The following ZC3H12B variants were observed in gnomAD, a reference collection of about 807,000 sequenced individuals.
ZC3H12B encodes zinc finger CCCH-type containing 12B.
In ZC3H12B, 7 loss-of-function variants were observed where a neutral mutation model predicts 43.9. That is an observed-to-expected ratio of 0.16 (90% CI 0.09 to 0.30). The LOEUF (loss-of-function observed/expected upper bound fraction) is 0.30. ZC3H12B is among the 10% of genes least tolerant of loss of function. The pLI is 1.00. For missense variants in ZC3H12B, 475 were observed against 670.2 expected, an observed-to-expected ratio of 0.71 and a Z score of 3.22; for synonymous variants, 222 against 241.7, an observed-to-expected ratio of 0.92 and a Z score of 0.76.
the ZC3H12B span, among the ~76,000 whole-genome samples, chrX:65,068,712 G>A: frequency 9.0e-6 from 1 of 111,487 alleles, no homozygotes; most frequent in South Asian, 3.7e-4. Flanking sequence ...AATATTACCA[G>A]CAAATTTTGT....
At chrX:65,066,530 C>T in the ZC3H12B span, among the ~76,000 whole-genome samples, 1 of 111,418 alleles carries the variant, frequency 9.0e-6, no homozygotes, top group East Asian at 2.9e-4. Context: ...CCCAGAGGTG[C>T]ACCCACCAGG....
At chrX:65,360,510 C>G in the ZC3H12B span, among the ~76,000 whole-genome samples, 1 of 112,203 alleles carries the variant, frequency 8.9e-6, no homozygotes, top group African/African-American at 3.2e-5. Flanking sequence ...GATACTACCA[C>G]TTACCTATTA....
At chrX:65,426,649 A>G in intron 3 of ZC3H12B, among the ~76,000 whole-genome samples, 1 of 111,586 alleles carries the variant, frequency 9.0e-6, no homozygotes. Context: ...GCTGCATCCC[A>G]GAGATTCTGG....
chrX:65,212,499 A>G, the ZC3H12B span, among the ~76,000 whole-genome samples: 1 of 69,888 alleles, frequency 1.4e-5, no homozygotes, highest in Non-Finnish European at 2.4e-5. Context: ...TATATAATAT[A>G]CATATTATAT....
chrX:65,240,564 G>C, the ZC3H12B span, among the ~76,000 whole-genome samples: 1 of 111,719 alleles, frequency 9.0e-6, no homozygotes, highest in African/African-American at 3.3e-5. Flanking sequence ...TCCTACTTCT[G>C]TTAATTCAGC....
intron 2 of ZC3H12B, among the ~76,000 whole-genome samples, chrX:65,383,224 A>G (rs1371548189): frequency 1.8e-5 from 2 of 112,244 alleles, no homozygotes; most frequent in South Asian, 3.7e-4. Flanking sequence ...TACAGTAACC[A>G]AAACAGCATG....
intron 2 of ZC3H12B, among the ~76,000 whole-genome samples, chrX:65,389,624 C>T (rs1200104813): frequency 8.9e-6 from 1 of 112,588 alleles, no homozygotes; most frequent in African/African-American, 3.2e-5. Context: ...ATGCTTGGTG[C>T]ACTGCACCCA....
At chrX:65,067,380 C>T in the ZC3H12B span, among the ~76,000 whole-genome samples, 5 of 111,568 alleles carry the variant, frequency 4.5e-5, no homozygotes, top group Non-Finnish European at 9.4e-5. Flanking sequence ...GCACAGCTTC[C>T]GTTTCCTAGG....
chrX:65,280,621 A>G, the ZC3H12B span, among the ~76,000 whole-genome samples: 6 of 112,233 alleles, frequency 5.3e-5, no homozygotes, highest in East Asian at 1.7e-3. Context: ...ACATGGTCAC[A>G]TATACAGAAA....
intron 2 of ZC3H12B, among the ~76,000 whole-genome samples, chrX:65,386,762 C>T (rs1017346195): frequency 1.5e-4 from 17 of 110,827 alleles, no homozygotes; most frequent in African/African-American, 3.3e-4. Flanking sequence ...GGATCTTTCC[C>T]GCTTTCTCTT....
chrX:65,340,230 C>T, the ZC3H12B span, among the ~76,000 whole-genome samples: 1 of 112,299 alleles, frequency 8.9e-6, no homozygotes, highest in Non-Finnish European at 1.9e-5. Flanking sequence ...CCAGAACAAC[C>T]ACTTACACAG....
At chrX:65,342,823 G>T in the ZC3H12B span, among the ~76,000 whole-genome samples, 1 of 99,381 alleles carries the variant, frequency 1.0e-5, no homozygotes, top group East Asian at 2.9e-4. Context: ...GAGCTGAATT[G>T]CAGGAGACTG....
chrX:65,388,104 T>G (rs137987558), intron 2 of ZC3H12B, among the ~76,000 whole-genome samples: 1,639 of 111,718 alleles, frequency 0.015, 40 homozygotes, highest in African/African-American at 0.051. Flanking sequence ...TTGGTGAATC[T>G]GACAATTATG....
chrX:65,291,774 G>T, the ZC3H12B span, among the ~76,000 whole-genome samples: 1 of 111,921 alleles, frequency 8.9e-6, no homozygotes, highest in African/African-American at 3.2e-5. Context: ...TTGTTAAAGG[G>T]TAGATTTCAA....
chrX:65,089,218 A>G, the ZC3H12B span, among the ~76,000 whole-genome samples: 3 of 111,429 alleles, frequency 2.7e-5, no homozygotes, highest in African/African-American at 6.5e-5. Flanking sequence ...TGTGAGCATC[A>G]TAGAATGTAC....
the ZC3H12B span, among the ~76,000 whole-genome samples, chrX:65,241,457 G>T: frequency 1.4e-5 from 1 of 69,818 alleles, no homozygotes; most frequent in African/African-American, 5.5e-5. Context: ...TTCCCCTCCT[G>T]GGGGCTTCAT....
At chrX:65,242,411 T>A in the ZC3H12B span, among the ~76,000 whole-genome samples, 1 of 111,449 alleles carries the variant, frequency 9.0e-6, no homozygotes, top group Non-Finnish European at 1.9e-5. Context: ...TAAAATAAAG[T>A]ACCTAGAAAT....
At chrX:65,335,605 T>A in the ZC3H12B span, among the ~76,000 whole-genome samples, 1 of 111,441 alleles carries the variant, frequency 9.0e-6, no homozygotes, top group East Asian at 2.9e-4. Flanking sequence ...GTAAAGGTCA[T>A]ACAGATATCA....
chrX:65,385,625 G>C (rs1382924919), intron 2 of ZC3H12B, among the ~76,000 whole-genome samples: 1 of 111,466 alleles, frequency 9.0e-6, no homozygotes, highest in South Asian at 3.8e-4. Flanking sequence ...TTTCCTAATT[G>C]AATACCCTTT....
Sources: allele counts gnomAD v4.1 joint callset (sites outside exome capture counted in the v4.1 genomes callset), GRCh38; gene constraint gnomAD v4.1.1; transcripts MANE v1.5; gene names NCBI Gene and HGNC (gene_info 2026-07-23, HGNC 2026-07-21).